The following UFSP2 variants were observed in gnomAD, a reference collection of about 807,000 sequenced individuals.
The protein encoded by UFSP2 is ufm1-specific protease 2.
Under a neutral mutation model 60.2 loss-of-function variants are expected in UFSP2, and 43 were observed. That is an observed-to-expected ratio of 0.71 (90% CI 0.56 to 0.92). The LOEUF (loss-of-function observed/expected upper bound fraction) is 0.92, where lower values mean the gene tolerates loss of function less well. UFSP2 is among the 40% of genes least tolerant of loss of function. The pLI, the probability that UFSP2 is intolerant of heterozygous loss-of-function variation, is 0.00. For missense variants in UFSP2, 520 were observed against 575.0 expected (o/e 0.90, Z 0.98); for synonymous variants, 183 against 195.1 (o/e 0.94, Z 0.52).
At chr4:185,404,303 T>G (rs1452177847) in intron 10 of UFSP2, among the ~76,000 whole-genome samples, 1 of 145,420 alleles carries the variant, frequency 6.9e-6, no homozygotes, top group African/African-American at 2.6e-5. Flanking sequence ...GTTTTTTTTT[T>G]TTTTTTTTTT....
chr4:185,402,158 A>G (rs934065135), intron 11 of UFSP2: 4 of 348,704 alleles, frequency 1.1e-5, no homozygotes, highest in African/African-American at 6.5e-5. Flanking sequence ...GTCCTACCCT[A>G]AAGGTTTTAG....
At chr4:185,418,021 G>T (rs548097627) in intron 4 of UFSP2, among the ~76,000 whole-genome samples, 71 of 76,992 alleles carry the variant, frequency 9.2e-4, no homozygotes, top group African/African-American at 3.8e-3. Context: ...TCCAGCCTGG[G>T]TAAAAAGAGT....
rs1561104474 is a variant in UFSP2 at position 185,400,075 on chromosome 4, GCTC to G, written c.*314_*316del. 1.4e-6 allele frequency: 2 copies of G among 1,473,654 alleles called. No individual in the cohort carries two copies. The highest frequency in any genetic ancestry group is 1.9e-6 in the Non-Finnish European group (2 of 1,069,468). 91.3% of individuals were successfully genotyped at this position (1,473,654 alleles called of 1,614,324 possible). On this transcript the variant is annotated 3_prime_UTR_variant, in exon 12 of 12. Coordinates refer to ENST00000264689, the MANE Select transcript of UFSP2 (RefSeq NM_018359.5). Reference sequence around the variant, plus strand: ...GCCTTCATTTCATGCAAATCTATAAGCTCCTGCTTTTGGCTTTACCATATGTTG... The same window carrying G: ...GCCTTCATTTCATGCAAATCTATAAGCTGCTTTTGGCTTTACCATATGTTG...
chr4:185,416,991 AAAGT>A (rs1169960980), intron 4 of UFSP2, among the ~76,000 whole-genome samples: 2 of 152,224 alleles, frequency 1.3e-5, no homozygotes, highest in East Asian at 3.8e-4. Flanking sequence ...GATGAGGACT[AAAGT>A]AAGATACATA....
chr4:185,425,480 A>G (rs1402253528), intron 1 of UFSP2, among the ~76,000 whole-genome samples: 2 of 152,184 alleles, frequency 1.3e-5, no homozygotes, highest in Non-Finnish European at 2.9e-5. Context: ...TTGCTGAGCA[A>G]TGAGACAGGA....
chr4:185,415,413 A>C, intron 5 of UFSP2, 66 bp from the exon 6 acceptor site: 2 of 1,356,418 alleles, frequency 1.5e-6, no homozygotes, highest in Non-Finnish European at 2.0e-6. Context: ...AAAAGTACAG[A>C]GCTAATATAT....
rs1273508321 is a variant in UFSP2 at position 185,403,988 on chromosome 4, C to CAA, written c.1199-372_1199-371dup. ...TCTCAAAAAAAAAAACAAAAAAAAA[C>CAA]AACATTACTTTGCTTATTAACTGAT... On this transcript the variant is annotated intron_variant, in intron 10 of 11. Transcript: ENST00000264689. Among the ~76,000 whole-genome samples, 9 of 121,438 alleles carry CAA rather than the reference C, an allele frequency of 7.4e-5. 1 individual carries two copies. Among genetic ancestry groups the CAA allele is most frequent in the Middle Eastern group, 3.8e-3 (1 of 264 alleles). The allele number at this position is 121,438 out of a possible 152,430, so 79.7% of individuals were successfully genotyped here. A position where few individuals can be genotyped will look rare whatever the true frequency, so the allele number is the denominator to read the frequency against.
chr4:185,419,422 G>T (rs371539786), intron 2 of UFSP2, among the ~76,000 whole-genome samples: 1 of 152,128 alleles, frequency 6.6e-6, no homozygotes, highest in African/African-American at 2.4e-5. Flanking sequence ...GAGCCACCGC[G>T]CCTGGCCCTC....
intron 7 of UFSP2, among the ~76,000 whole-genome samples, chr4:185,409,007 T>G (rs1431810056): frequency 6.6e-6 from 1 of 152,194 alleles, no homozygotes; most frequent in Non-Finnish European, 1.5e-5. Context: ...ATCTGCCTAC[T>G]TACACTAATA....
chr4:185,409,689 C>G (rs1374502259), intron 7 of UFSP2, among the ~76,000 whole-genome samples: 2 of 152,188 alleles, frequency 1.3e-5, no homozygotes, highest in Admixed American at 6.5e-5. Context: ...AATGCACCCT[C>G]TGTGCCAAAA....
chr4:185,411,675 A>G (rs1442543018), intron 7 of UFSP2, among the ~76,000 whole-genome samples: 2 of 152,214 alleles, frequency 1.3e-5, no homozygotes, highest in Admixed American at 1.3e-4. Context: ...GGGGGAAAAA[A>G]GAGGGAGAAA....
At chr4:185,414,718 T>A (rs538323807) in intron 6 of UFSP2, among the ~76,000 whole-genome samples, 73 of 152,320 alleles carry the variant, frequency 4.8e-4, no homozygotes, top group African/African-American at 1.7e-3. Context: ...AAAGCCCAAA[T>A]AACCTTACTT....
rs2095544038 is a variant in UFSP2, at chr4:185,418,836, A to G, written c.83-66T>C. On this transcript the variant is annotated intron_variant, in intron 2 of 11. Transcript: ENST00000264689. The stretch of plus-strand genomic sequence containing the variant: ...TTTTTCAACATGAATGGTTCCAAAC[A>G]TACACAAAAGTAGAGCATAGTAAAA... 4 of 1,289,758 alleles carry G rather than the reference A, an allele frequency of 3.1e-6. No homozygotes were observed. The Admixed American group carries it at 1.1e-4, about 35-fold the overall frequency. 79.9% of individuals were successfully genotyped at this position (1,289,758 alleles called of 1,614,324 possible). A position where few individuals can be genotyped will look rare whatever the true frequency, so the allele number is the denominator to read the frequency against.
intron 8 of UFSP2, 37 bp from the exon 9 acceptor site, chr4:185,408,097 A>G (rs2095523497): frequency 6.2e-7 from 1 of 1,603,578 alleles, no homozygotes; most frequent in African/African-American, 1.3e-5. Context: ...TCCATACACA[A>G]GACAGCTATT....
At chr4:185,408,237 A>G in intron 8 of UFSP2, 34 bp downstream of exon 8, 4 of 1,600,700 alleles carry the variant, frequency 2.5e-6, no homozygotes, top group Non-Finnish European at 3.4e-6. Flanking sequence ...TGAAACATAC[A>G]GTTGATTATA....
chr4:185,417,969 G>A (rs1215505181), intron 4 of UFSP2, among the ~76,000 whole-genome samples: 10 of 151,514 alleles, frequency 6.6e-5, no homozygotes, highest in African/African-American at 2.4e-4. Context: ...ACTTGAACCC[G>A]GGAGGCGGAA....
chr4:185,424,058 T>C (rs2095554405), intron 1 of UFSP2, among the ~76,000 whole-genome samples: 4 of 151,292 alleles, frequency 2.6e-5, no homozygotes, highest in Admixed American at 2.6e-4. Flanking sequence ...CCCAACACTT[T>C]GGGAGGCAGA....
chr4:185,404,689 G>C (rs113379355), intron 10 of UFSP2, among the ~76,000 whole-genome samples: 1,795 of 151,896 alleles, frequency 0.012, 33 homozygotes, highest in African/African-American at 0.041. Flanking sequence ...CAGCTCAAGC[G>C]ATTCTCCTGT....
intron 6 of UFSP2, 23 bp from the exon 7 acceptor site, chr4:185,413,895 G>T (rs888615680): frequency 6.4e-7 from 1 of 1,556,716 alleles, no homozygotes; most frequent in Non-Finnish European, 8.6e-7. Context: ...AGAATCAACA[G>T]AAAAAGAAAA....
Sources: gnomAD v4.1 joint callset for allele counts (sites outside exome capture counted in the v4.1 genomes callset) on GRCh38, gnomAD v4.1.1 for gene constraint, MANE v1.5 for transcripts, NCBI Gene and HGNC (gene_info 2026-07-23, HGNC 2026-07-21) for gene names.